MAML1: variants seen among roughly 807,000 people sequenced by gnomAD.
MAML1 encodes mastermind-like protein 1.
Under a neutral mutation model 77.1 loss-of-function variants are expected in MAML1, and 14 were observed. The ratio of observed to expected loss-of-function variants is 0.18; its 90% CI spans 0.12 to 0.28. The LOEUF is 0.28. Among genes scored for constraint, MAML1 ranks in the 10% least tolerant of loss-of-function variants. The pLI is 1.00. For synonymous variants in MAML1, 516 were observed against 551.9 expected, an observed-to-expected ratio of 0.93 and a Z score of 0.91; for missense variants, 1,217 against 1,327.8, an observed-to-expected ratio of 0.92 and a Z score of 1.30.
chr5:179,766,112 G>T lies in MAML1; in HGVS notation c.1102G>T (p.Ala368Ser), dbSNP rs1179903656. The T allele has an allele frequency of 8.9e-6, 14 of 1,578,412 alleles. No homozygotes were observed. Among genetic ancestry groups the T allele is most frequent in the Non-Finnish European group, 1.2e-5 (14 of 1,163,730 alleles). The part of the protein sequence containing the change: ...NPSPNLMPAS[A>S]QAQNAQRALA... ...CAGTCCAAACCTGATGCCGGCATCA[G>T]CCCAGGCCCAGAACGCACAAAGAGC... The change falls in exon 2 of 5, where the codon GCC (alanine) becomes TCC (serine). Residue 368 changes from alanine (A) to serine (S), a missense_variant. Ala to Ser is a moderately conservative substitution (Grantham distance 99). Around this residue, in one of 3 missense-constraint regions of MAML1, gnomAD observed 884 missense variants for 949.3 expected, o/e 0.93. Coordinates refer to ENST00000292599, the MANE Select transcript of MAML1 (RefSeq NM_014757.5). This position sits in a 1 kb window ranked among gnomAD's most constrained non-coding sequence, Gnocchi z 4.0.
Position 179,766,038 on chromosome 5 carries a change from G to A in MAML1, c.1028G>A (p.Gly343Asp). Residue 343 changes from glycine to aspartate, a missense_variant, in exon 2 of 5, where the codon GGC (glycine) becomes GAC (aspartate). Physicochemically the swap from Gly to Asp is moderately conservative, Grantham distance 94 (BLOSUM62 -1). Transcript: ENST00000292599. The surrounding 1 kb of genome is among the most constrained non-coding windows in gnomAD (Gnocchi z 4.0). ...PVSTDSPSLG[G>D]SQTLFHTSGQ... ...AGTACAGATTCCCCCAGCCTAGGGG[G>A]CTCCCAAACCTTATTCCACACCTCT... 1 of 1,591,990 alleles carries A rather than the reference G, an allele frequency of 6.3e-7. No homozygotes were observed. The highest frequency in any genetic ancestry group is 1.1e-5 in the South Asian group (1 of 87,538).
In MAML1 at chr5:179,775,030, G is replaced by T. The variant is rs972028341; in HGVS notation, c.*153G>T. ...CAGGTGAGGCCTGGCCCTGGGCAGG[G>T]TCTGTGGCTGCGCCCCTCAGGCCAG... On this transcript the variant is annotated 3_prime_UTR_variant, in exon 5 of 5. Coordinates refer to ENST00000292599, the MANE Select transcript of MAML1 (RefSeq NM_014757.5). 1.8e-4 allele frequency: 259 copies of T among 1,442,020 alleles called. No homozygotes were observed. Among genetic ancestry groups the T allele is most frequent in the Non-Finnish European group, 2.1e-4 (233 of 1,104,232 alleles). 89.3% of individuals were successfully genotyped at this position (1,442,020 alleles called of 1,614,324 possible).
chr5:179,756,015 C>A (rs1166439976), intron 1 of MAML1, among the ~76,000 whole-genome samples: 4 of 151,570 alleles, frequency 2.6e-5, no homozygotes. Context: ...CCACCTGCCT[C>A]AGCTTCCCAA....
At chr5:179,762,853 C>T (rs1271787565) in intron 1 of MAML1, among the ~76,000 whole-genome samples, 2 of 152,188 alleles carry the variant, frequency 1.3e-5, no homozygotes, top group African/African-American at 4.8e-5. Flanking sequence ...TACGTTATTC[C>T]AGTTAAATTT....
In MAML1 at chr5:179,733,098, T is replaced by C; in HGVS notation, c.-15T>C. 5 of 1,360,160 alleles carry C rather than the reference T, an allele frequency of 3.7e-6. No homozygotes were observed. The highest frequency in any genetic ancestry group is 3.8e-6 in the Non-Finnish European group (4 of 1,056,626). The allele number at this position is 1,360,160 out of a possible 1,614,324, so 84.3% of individuals were successfully genotyped here. ...GAGGCCCGGCCCCGGGCCCGGCCCGTGCAGCCCGCGGCCCATGGTGCTGCC... is the reference window on the plus strand; with the variant it reads ...GAGGCCCGGCCCCGGGCCCGGCCCGCGCAGCCCGCGGCCCATGGTGCTGCC... On this transcript the variant is annotated 5_prime_UTR_variant, in exon 1 of 5. Transcript: ENST00000292599.
At chr5:179,753,050 G>A (rs1333541601) in intron 1 of MAML1, among the ~76,000 whole-genome samples, 5 of 152,200 alleles carry the variant, frequency 3.3e-5, no homozygotes, top group African/African-American at 1.2e-4. Flanking sequence ...TGGGATTACA[G>A]GCGTGAACCA....
Position 179,742,306 on chromosome 5 carries a change from T to C in MAML1, c.315+8879T>C, listed in dbSNP as rs186156228. The stretch of plus-strand genomic sequence containing the variant: ...GAGTTTGAGACCAGTCTGGCCAATA[T>C]GGTGAAACCTCATCTCTACTAAAAA... On this transcript the variant is annotated intron_variant, in intron 1 of 4. Coordinates refer to ENST00000292599, the MANE Select transcript of MAML1 (RefSeq NM_014757.5). Among the ~76,000 whole-genome samples the C allele has an allele frequency of 6.4e-3, 963 of 151,618 alleles. 8 individuals carry two copies. The highest frequency in any genetic ancestry group is 0.022 in the African/African-American group (923 of 41,418).
chr5:179,742,852 G>A (rs2113339706), intron 1 of MAML1, among the ~76,000 whole-genome samples: 1 of 152,242 alleles, frequency 6.6e-6, no homozygotes, highest in South Asian at 2.1e-4. Context: ...ATGCGGCTAT[G>A]CATGAAGACA....
chr5:179,733,107 C>CGGCCCATGGTGCTGCCCACCT lies in MAML1; in HGVS notation c.-4_17dup. On this transcript the variant is annotated 5_prime_UTR_variant, in exon 1 of 5. In the 5' UTR this introduces an upstream ATG that the reference lacks. Transcript: ENST00000292599. ...CCCCGGGCCCGGCCCGTGCAGCCCG[C>CGGCCCATGGTGCTGCCCACCT]GGCCCATGGTGCTGCCCACCTGCCC... 3.6e-6 allele frequency: 5 copies of CGGCCCATGGTGCTGCCCACCT among 1,387,154 alleles called. No homozygotes were observed. Among genetic ancestry groups the CGGCCCATGGTGCTGCCCACCT allele is most frequent in the Non-Finnish European group, 4.7e-6 (5 of 1,071,860 alleles). 85.9% of individuals were successfully genotyped at this position (1,387,154 alleles called of 1,614,324 possible).
rs556707695 is a variant in MAML1 at position 179,774,490 on chromosome 5, G to T, written c.2664G>T (p.Arg888Ser). ...AATTCTCCCAGGCAGTGCCCAACAG[G>T]CCCATGGCTCCCATGAGCTCAGCAG... is the stretch of plus-strand genomic sequence containing the variant. ...SPQFSQAVPNRPMAPMSSAAA... is the reference protein window; with the variant it reads ...SPQFSQAVPNSPMAPMSSAAA... The change falls in exon 5 of 5, where the codon AGG (arginine) becomes AGT (serine). Residue 888 changes from arginine to serine, a missense_variant. Arg to Ser is a moderately radical substitution (Grantham distance 110). Transcript: ENST00000292599. 5 of 1,613,154 alleles carry T rather than the reference G, an allele frequency of 3.1e-6. No homozygotes were observed. The highest frequency in any genetic ancestry group is 1.7e-5 in the Admixed American group (1 of 60,000).
rs890937528 is a variant in MAML1, at chr5:179,776,355, C to T, written c.*1478C>T. 1.3e-5 allele frequency: 13 copies of T among 985,700 alleles called. No individual in the cohort carries two copies. Among genetic ancestry groups the T allele is most frequent in the African/African-American group, 1.7e-5 (1 of 57,202 alleles). The allele number at this position is 985,700 out of a possible 1,614,324, so 61.1% of individuals were successfully genotyped here. ...AAATACTCATGCAACCAGCCTGAGT[C>T]GCGGTGAGGGGACGAGAGGTTGTAC... On this transcript the variant is annotated 3_prime_UTR_variant, in exon 5 of 5. Transcript: ENST00000292599.
chr5:179,772,263 C>T (rs1226605263), intron 4 of MAML1, among the ~76,000 whole-genome samples: 2 of 152,104 alleles, frequency 1.3e-5, no homozygotes, highest in Non-Finnish European at 1.5e-5. Flanking sequence ...GGATTACAGG[C>T]GCCTGCCACC....
At chr5:179,736,483 C>G (rs1162664461) in intron 1 of MAML1, among the ~76,000 whole-genome samples, 1 of 151,850 alleles carries the variant, frequency 6.6e-6, no homozygotes, top group African/African-American at 2.4e-5. Context: ...GATCTCCTGA[C>G]CTTGTGATCC....
In MAML1 at chr5:179,775,921, G is replaced by C. The variant is rs1756126666; in HGVS notation, c.*1044G>C. 1 of 985,666 alleles carries C rather than the reference G, an allele frequency of 1.0e-6. No individual in the cohort carries two copies. The highest frequency in any genetic ancestry group is 1.2e-6 in the Non-Finnish European group (1 of 829,934). 61.1% of individuals were successfully genotyped at this position (985,666 alleles called of 1,614,324 possible). A position where few individuals can be genotyped will look rare whatever the true frequency, so the allele number is the denominator to read the frequency against. On this transcript the variant is annotated 3_prime_UTR_variant, in exon 5 of 5. Transcript: ENST00000292599. ...GGGAACCTTAGCATAAAGGTTTTGGGGAAGGAGGCCGTAGGCCGGCCCGGA... is the reference window on the plus strand; with the variant it reads ...GGGAACCTTAGCATAAAGGTTTTGGCGAAGGAGGCCGTAGGCCGGCCCGGA...
chr5:179,768,567 A>G (rs975315552), intron 2 of MAML1, among the ~76,000 whole-genome samples: 2 of 152,272 alleles, frequency 1.3e-5, no homozygotes, highest in Non-Finnish European at 2.9e-5. Flanking sequence ...GTGTGCAAAT[A>G]TGAAAGCTTA....
At position 179,774,429 on chromosome 5, in the gene MAML1, T is replaced by C; in HGVS notation, c.2603T>C (p.Met868Thr). 6.2e-7 allele frequency: 1 copy of C among 1,613,256 alleles called. No homozygotes were observed. The highest frequency in any genetic ancestry group is 8.5e-7 in the Non-Finnish European group (1 of 1,180,036). ...TTCACTGCAGCCTCCAGTTTCCACA[T>C]GCAGCAGCAGGCCCACCTGAAAATG... ...SPFTAASSFH[M>T]QQQAHLKMSS... is the part of the protein sequence containing the mutation. The change falls in exon 5 of 5, where the codon ATG becomes ACG. Residue 868 changes from methionine to threonine, a missense_variant. By Grantham distance (81) the Met-to-Thr change is moderately conservative (BLOSUM62 -1). Transcript: ENST00000292599.
chr5:179,746,344 C>CA (rs879381463), intron 1 of MAML1, among the ~76,000 whole-genome samples: 127 of 149,324 alleles, frequency 8.5e-4, no homozygotes, highest in Non-Finnish European at 1.3e-3. Context: ...GACTCCGTCT[C>CA]AAAAAAAAAG....
In MAML1 at chr5:179,752,350, A is replaced by ATAT. The variant is rs57005189; in HGVS notation, c.316-12976_316-12975insTAT. Among the ~76,000 whole-genome samples, 294 of 66,642 alleles carry ATAT rather than the reference A, an allele frequency of 4.4e-3. 1 individual carries two copies. Among genetic ancestry groups the ATAT allele is most frequent in the Middle Eastern group, 0.026 (2 of 76 alleles). 43.7% of individuals were successfully genotyped at this position (66,642 alleles called of 152,430 possible). On this transcript the variant is annotated intron_variant, in intron 1 of 4. Transcript: ENST00000292599. Reference sequence around the variant, plus strand: ...CAAAAAAAAAAAAAAAAAAAAAAAAAATATATATATATATATGGTTAAATA... The same window carrying ATAT: ...CAAAAAAAAAAAAAAAAAAAAAAAAATATATATATATATATATATGGTTAAATA...
intron 1 of MAML1, among the ~76,000 whole-genome samples, chr5:179,747,034 C>G (rs1167003147): frequency 6.6e-6 from 1 of 152,114 alleles, no homozygotes; most frequent in East Asian, 1.9e-4. Context: ...AAGTCTTGCT[C>G]TGTCTCCCAA....
Sources: allele counts gnomAD v4.1 joint callset (sites outside exome capture counted in the v4.1 genomes callset), GRCh38; gene constraint gnomAD v4.1.1; regional missense constraint gnomAD v4.1.1; non-coding constraint Gnocchi (gnomAD v3.1); transcripts MANE v1.5; gene names NCBI Gene and HGNC (gene_info 2026-07-23, HGNC 2026-07-21).